The following OCRL variants were observed in gnomAD, a reference collection of about 807,000 sequenced individuals.
The protein encoded by OCRL is OCRL inositol polyphosphate-5-phosphatase.
Under a neutral mutation model 78.9 loss-of-function variants are expected in OCRL, and 8 were observed. The ratio of observed to expected loss-of-function variants is 0.10; its 90% CI spans 0.06 to 0.18. The LOEUF (loss-of-function observed/expected upper bound fraction) is 0.18, where lower values mean the gene tolerates loss of function less well. Ranked by LOEUF, OCRL falls within the 10% of genes least tolerant of loss-of-function variation. The pLI is 1.00. For synonymous variants in OCRL, 240 were observed against 235.4 expected (o/e 1.02, Z -0.18); for missense variants, 454 against 696.7 (o/e 0.65, Z 3.92).
intron 2 of OCRL, among the ~76,000 whole-genome samples, chrX:129,543,704 C>G (rs1300996840): frequency 8.9e-6 from 1 of 112,994 alleles, no homozygotes; most frequent in Admixed American, 9.3e-5. Context: ...AAAGTTAACA[C>G]ATTTGAAAAT....
intron 2 of OCRL, among the ~76,000 whole-genome samples, chrX:129,544,097 G>A (rs774037420): frequency 9.0e-6 from 1 of 110,970 alleles, no homozygotes; most frequent in African/African-American, 3.3e-5. Flanking sequence ...AAGAAACAGA[G>A]TGTTCCTGAC....
chrX:129,550,639 G>A (rs1935947322), intron 4 of OCRL, among the ~76,000 whole-genome samples: 1 of 111,528 alleles, frequency 9.0e-6, no homozygotes, highest in African/African-American at 3.2e-5. Flanking sequence ...TTTATTACTA[G>A]TATACAGAAT....
At position 129,544,990 on chromosome X, in the gene OCRL, A is replaced by G. The variant is rs764804719; in HGVS notation, c.152A>G (p.His51Arg). 112 of 1,163,571 alleles carry G rather than the reference A, an allele frequency of 9.6e-5. 1 individual carries two copies. In the South Asian group the frequency reaches 1.9e-3, roughly 20 times the overall value. The change falls in exon 3 of 24, where the codon CAT (histidine) becomes CGT (arginine). Residue 51 changes from histidine to arginine, a missense_variant. His to Arg is a conservative substitution (Grantham distance 29). Transcript: ENST00000371113. ...LIIQLHEKEQ[H>R]VQDIIPINSH... ...ATCCAGTTGCATGAGAAGGAACAGCATGTTCAAGATATCATTCCTATAAAT... is the reference window on the plus strand; with the variant it reads ...ATCCAGTTGCATGAGAAGGAACAGCGTGTTCAAGATATCATTCCTATAAAT...
rs1935775242 is a variant in OCRL, at chrX:129,540,536, G to A, written c.39+58G>A. 2.7e-5 allele frequency: 30 copies of A among 1,096,219 alleles called. No homozygotes were observed. The East Asian group carries it at 9.6e-4, about 35-fold the overall frequency. 90.3% of individuals were successfully genotyped at this position (1,096,219 alleles called of 1,213,427 possible). The stretch of plus-strand genomic sequence containing the variant: ...GCGCAGGGCCGGGGGTGGGGGTCGG[G>A]GGCCCTGCGGAACACGGTGGGGCGG... On this transcript the variant is annotated intron_variant, in intron 1 of 23. Coordinates refer to ENST00000371113, the MANE Select transcript of OCRL (RefSeq NM_000276.4).
intron 4 of OCRL, among the ~76,000 whole-genome samples, chrX:129,557,037 C>G (rs953179279): frequency 2.7e-5 from 3 of 111,347 alleles, no homozygotes; most frequent in African/African-American, 9.8e-5. Flanking sequence ...TAGATCAGAA[C>G]GCAGGAAAGT....
chrX:129,589,085 C>G, intron 22 of OCRL, 72 bp downstream of exon 22: 1 of 1,123,532 alleles, frequency 8.9e-7, no homozygotes. Context: ...TTTACAGAGC[C>G]AGATAGGCAG....
At chrX:129,567,532 A>C (rs978024101) in intron 14 of OCRL, among the ~76,000 whole-genome samples, 169 bp downstream of exon 14, 4 of 112,309 alleles carry the variant, frequency 3.6e-5, no homozygotes, top group Non-Finnish European at 5.6e-5. Context: ...TGTTTCATTT[A>C]TCTATACTCA....
chrX:129,559,507 G>T (rs1047345588), intron 8 of OCRL, among the ~76,000 whole-genome samples: 1 of 111,772 alleles, frequency 8.9e-6, no homozygotes, highest in Non-Finnish European at 1.9e-5. Flanking sequence ...CCTTCCCTTG[G>T]ATTTTCTAAC....
At chrX:129,554,419 C>T (rs1287529635) in intron 4 of OCRL, 1 of 110,767 alleles carries the variant, frequency 9.0e-6, no homozygotes, top group Non-Finnish European at 1.9e-5. Context: ...GGCAGGAGAT[C>T]GAGTGGAGAG....
intron 4 of OCRL, among the ~76,000 whole-genome samples, chrX:129,554,900 C>T (rs1429517832): frequency 2.8e-5 from 3 of 107,257 alleles, no homozygotes; most frequent in East Asian, 2.9e-4. Context: ...TGCAGTGAGC[C>T]GAGATCGCGG....
chrX:129,552,721 C>T (rs1033584120), intron 4 of OCRL, among the ~76,000 whole-genome samples: 5 of 112,239 alleles, frequency 4.5e-5, no homozygotes, highest in African/African-American at 1.3e-4. Flanking sequence ...CCACCTCACC[C>T]GGCTGAGATT....
rs747933101 is a variant in OCRL at position 129,557,306 on chromosome X, G to A, written c.239-19G>A. 8.5e-7 allele frequency: 1 copy of A among 1,181,727 alleles called. No homozygotes were observed. The highest frequency in any genetic ancestry group is 1.2e-6 in the Non-Finnish European group (1 of 868,343). ...TTTTATCCCATAGCAGTATATGTAT[G>A]GATTTCAATTCTTTTTAGGTGGCTG... On this transcript the variant is annotated intron_variant, in intron 4 of 23. Coordinates refer to ENST00000371113, the MANE Select transcript of OCRL (RefSeq NM_000276.4).
In OCRL at chrX:129,585,038, G is replaced by C. The variant is rs755762433; in HGVS notation, c.2139+671G>C. On this transcript the variant is annotated intron_variant, in intron 19 of 23. Coordinates refer to ENST00000371113, the MANE Select transcript of OCRL (RefSeq NM_000276.4). ...TTCATGCTTTAGTTATTAACACTAA[G>C]TAAGGTTACAGAGTGTGGGCTTATC... is the stretch of plus-strand genomic sequence containing the variant. Among the ~76,000 whole-genome samples, 5 of 112,470 alleles carry C rather than the reference G, an allele frequency of 4.4e-5. No homozygotes were observed. In the East Asian group the frequency reaches 8.4e-4, roughly 19 times the overall value.
chrX:129,548,338 T>G (rs1051600063), intron 3 of OCRL, among the ~76,000 whole-genome samples: 28 of 112,360 alleles, frequency 2.5e-4, no homozygotes, highest in African/African-American at 9.1e-4. Flanking sequence ...TGGTTACTTC[T>G]TCAGTTCATT....
At chrX:129,548,720 C>A in intron 4 of OCRL, 119 bp downstream of exon 4, 1 of 584,162 alleles carries the variant, frequency 1.7e-6, no homozygotes, top group Non-Finnish European at 2.8e-6. Flanking sequence ...CCTGTAGTCT[C>A]CTGTAGCAGC....
intron 17 of OCRL, 32 bp downstream of exon 17, chrX:129,576,094 G>A: frequency 8.5e-7 from 1 of 1,170,169 alleles, no homozygotes. Flanking sequence ...GTCTCTGCTG[G>A]TGATGTCATG....
At chrX:129,578,148 AG>A (rs917971100) in intron 18 of OCRL, among the ~76,000 whole-genome samples, 12 of 111,925 alleles carry the variant, frequency 1.1e-4, no homozygotes, top group Non-Finnish European at 2.3e-4. Flanking sequence ...CTTAACAAAA[AG>A]GGCACACTTA....
Position 129,562,515 on chromosome X carries a change from A to G in OCRL, c.1056+15A>G. ...TGGGGAAAATGGTGAGTTACTTTGG[A>G]AATGAGCTTGATTATTATTCATGTT... On this transcript the variant is annotated intron_variant, in intron 11 of 23. Transcript: ENST00000371113. 1 of 1,191,126 alleles carries G rather than the reference A, an allele frequency of 8.4e-7. No homozygotes were observed. Among genetic ancestry groups the G allele is most frequent in the South Asian group, 1.8e-5 (1 of 56,523 alleles).
In OCRL at chrX:129,584,149, TGTATA is replaced by T. The variant is rs201248762; in HGVS notation, c.2116-191_2116-187del. Among the ~76,000 whole-genome samples, 1,911 of 112,593 alleles carry T rather than the reference TGTATA, an allele frequency of 0.017. 40 individuals are homozygous for T. Among genetic ancestry groups the T allele is most frequent in the African/African-American group, 0.057 (1,779 of 31,032 alleles). On this transcript the variant is annotated intron_variant, in intron 18 of 23. Coordinates refer to ENST00000371113, the MANE Select transcript of OCRL (RefSeq NM_000276.4). ...TCTCAAACTGCACAAAAATTTAAAA[TGTATA>T]GTAAACTTTGTGTATGAAAAATGTA... is the stretch of plus-strand genomic sequence containing the variant.
Sources: allele counts gnomAD v4.1 joint callset (sites outside exome capture counted in the v4.1 genomes callset), GRCh38; gene constraint gnomAD v4.1.1; transcripts MANE v1.5; gene names NCBI Gene and HGNC (gene_info 2026-07-23, HGNC 2026-07-21).